Variants in CTNNA3 observed in about 807,000 individuals in gnomAD.
CTNNA3 encodes the protein catenin alpha-3.
CTNNA3 carries 76 observed loss-of-function variants against 95.7 expected under a neutral mutation model. The ratio of observed to expected loss-of-function variants is 0.79; its 90% confidence interval spans 0.66 to 0.96. CTNNA3 has a LOEUF of 0.96. Ranked by LOEUF, CTNNA3 falls within the 40% of genes least tolerant of loss-of-function variation. CTNNA3 has a pLI of 0.00. For missense variants in CTNNA3, 1,191 were observed against 1,089.8 expected (o/e 1.09, Z -1.31); for synonymous variants, 431 against 374.4 (o/e 1.15, Z -1.74).
At chr10:66,169,366 T>G (rs191240798) in intron 13 of CTNNA3, among the ~76,000 whole-genome samples, 67 of 152,336 alleles carry the variant, frequency 4.4e-4, no homozygotes, top group African/African-American at 1.6e-3. Flanking sequence ...TTCATTCCTT[T>G]TTATGGCTGA....
At chr10:66,593,037 A>G (rs747777942) in intron 10 of CTNNA3, among the ~76,000 whole-genome samples, 1 of 152,222 alleles carries the variant, frequency 6.6e-6, no homozygotes, top group Non-Finnish European at 1.5e-5. Context: ...TAAGAAATTT[A>G]TAAGACGGAA....
intron 7 of CTNNA3, among the ~76,000 whole-genome samples, chr10:66,828,625 C>T (rs1842599513): frequency 6.6e-6 from 1 of 152,224 alleles, no homozygotes; most frequent in South Asian, 2.1e-4. Flanking sequence ...ATATCAGCTT[C>T]TTCTGAGGAC....
At chr10:67,678,511 C>T (rs935298395) in intron 1 of CTNNA3, among the ~76,000 whole-genome samples, 1 of 152,106 alleles carries the variant, frequency 6.6e-6, no homozygotes. Context: ...TTATTACCAA[C>T]AAAGAATGAT....
At chr10:67,428,956 G>C (rs1306021097) in intron 5 of CTNNA3, among the ~76,000 whole-genome samples, 1 of 151,818 alleles carries the variant, frequency 6.6e-6, no homozygotes, top group East Asian at 1.9e-4. Context: ...CTTAATAAAT[G>C]CCCATTTATA....
intron 11 of CTNNA3, among the ~76,000 whole-genome samples, chr10:66,512,534 T>C (rs1171293815): frequency 2.0e-5 from 3 of 152,106 alleles, no homozygotes; most frequent in Non-Finnish European, 4.4e-5. Context: ...GCATATCTGC[T>C]TTACCAGTGA....
intron 8 of CTNNA3, among the ~76,000 whole-genome samples, chr10:66,774,959 G>A (rs1329605724): frequency 2.0e-5 from 3 of 152,084 alleles, no homozygotes; most frequent in Non-Finnish European, 4.4e-5. Flanking sequence ...AAAAATGGAA[G>A]GAGGAATGGG....
intron 1 of CTNNA3, among the ~76,000 whole-genome samples, chr10:67,672,736 A>C (rs147872249): frequency 0.087 from 13,301 of 152,162 alleles, 1,337 homozygotes; most frequent in African/African-American, 0.25. Flanking sequence ...TTTTGGTACC[A>C]GTATCATGCT....
At chr10:67,550,309 C>T (rs2133226063) in intron 3 of CTNNA3, among the ~76,000 whole-genome samples, 1 of 152,208 alleles carries the variant, frequency 6.6e-6, no homozygotes, top group Non-Finnish European at 1.5e-5. Context: ...AAATAATGCT[C>T]CCAGTGTAAT....
chr10:66,471,785 G>C (rs1839142737), intron 11 of CTNNA3, among the ~76,000 whole-genome samples: 1 of 151,428 alleles, frequency 6.6e-6, no homozygotes, highest in African/African-American at 2.4e-5. Context: ...ATTCAATTCT[G>C]GGTGATAAAT....
chr10:67,313,915 A>C (rs1191272646), intron 5 of CTNNA3, among the ~76,000 whole-genome samples: 1 of 152,230 alleles, frequency 6.6e-6, no homozygotes, highest in Non-Finnish European at 1.5e-5. Context: ...CTTGGATACA[A>C]GGATGCCAAA....
intron 5 of CTNNA3, among the ~76,000 whole-genome samples, chr10:67,258,622 A>G (rs1469791045): frequency 6.6e-6 from 1 of 152,014 alleles, no homozygotes; most frequent in Non-Finnish European, 1.5e-5. Flanking sequence ...TTCAACTGTG[A>G]TTTTTTTTAC....
intron 7 of CTNNA3, among the ~76,000 whole-genome samples, chr10:67,150,733 T>C (rs1306497880): frequency 1.3e-5 from 2 of 152,124 alleles, no homozygotes; most frequent in African/African-American, 4.8e-5. Context: ...CAGTGATAAA[T>C]AGGGTAATAA....
chr10:66,226,889 T>A (rs2089315689), intron 13 of CTNNA3, among the ~76,000 whole-genome samples: 1 of 152,136 alleles, frequency 6.6e-6, no homozygotes, highest in Non-Finnish European at 1.5e-5. Flanking sequence ...AGAGACTAAT[T>A]ATTTTTGCTC....
chr10:66,469,006 G>T (rs950408801), intron 11 of CTNNA3, among the ~76,000 whole-genome samples: 10 of 151,844 alleles, frequency 6.6e-5, no homozygotes, highest in African/African-American at 2.2e-4. Context: ...CAGTAAAAAA[G>T]AAATATAAAT....
intron 10 of CTNNA3, among the ~76,000 whole-genome samples, chr10:66,574,572 C>T (rs1018598207): frequency 4.6e-5 from 7 of 151,838 alleles, no homozygotes; most frequent in African/African-American, 1.5e-4. Flanking sequence ...AAAATATTTC[C>T]TGATTCATTT....
intron 5 of CTNNA3, among the ~76,000 whole-genome samples, chr10:67,250,965 T>G (rs1002640049): frequency 2.0e-5 from 3 of 152,210 alleles, no homozygotes; most frequent in African/African-American, 7.2e-5. Context: ...TACCACCCAG[T>G]AATTCCTCTC....
intron 17 of CTNNA3, among the ~76,000 whole-genome samples, chr10:65,949,276 C>T (rs1414721153): frequency 2.6e-5 from 4 of 152,210 alleles, no homozygotes; most frequent in Non-Finnish European, 5.9e-5. Flanking sequence ...CCATCAGTTA[C>T]TAACCATGTG....
At chr10:66,763,329 C>CAGAG (rs1475215895) in intron 9 of CTNNA3, among the ~76,000 whole-genome samples, 4 of 71,072 alleles carry the variant, frequency 5.6e-5, no homozygotes, top group African/African-American at 2.0e-4. Flanking sequence ...CACACACACA[C>CAGAG]ACACACACAC....
intron 5 of CTNNA3, among the ~76,000 whole-genome samples, chr10:67,493,072 T>G (rs958399290): frequency 2.0e-5 from 3 of 152,234 alleles, no homozygotes; most frequent in African/African-American, 7.2e-5. Flanking sequence ...AGCTGCATTT[T>G]GAAGATCCTT....
Sources: allele counts gnomAD v4.1 joint callset (sites outside exome capture counted in the v4.1 genomes callset), GRCh38; gene constraint gnomAD v4.1.1; transcripts MANE v1.5; gene names NCBI Gene and HGNC (gene_info 2026-07-23, HGNC 2026-07-21).